The following METTL15 variants were observed in gnomAD, a reference collection of about 807,000 sequenced individuals.
METTL15 encodes the protein 12S rRNA N(4)-cytidine methyltransferase METTL15.
A neutral mutation model predicts 38.3 loss-of-function variants in METTL15; 34 were observed. The ratio of observed to expected loss-of-function variants is 0.89; its 90% CI spans 0.68 to 1.18. METTL15 has a LOEUF of 1.18. Ranked by LOEUF, METTL15 falls within the 50% of genes most tolerant of loss-of-function variation. The pLI is 0.00. For synonymous variants in METTL15, 162 were observed against 170.9 expected (o/e 0.95, Z 0.41); for missense variants, 438 against 498.4 (o/e 0.88, Z 1.15).
At chr11:28,312,962 G>T (rs1857358085) in intron 6 of METTL15, among the ~76,000 whole-genome samples, 1 of 151,874 alleles carries the variant, frequency 6.6e-6, no homozygotes, top group East Asian at 1.9e-4. Flanking sequence ...TCCCACCATA[G>T]GACTTGTTTT....
At chr11:28,491,889 T>C (rs1272306869) in intron 6 of METTL15, among the ~76,000 whole-genome samples, 1 of 152,146 alleles carries the variant, frequency 6.6e-6, no homozygotes, top group Non-Finnish European at 1.5e-5. Flanking sequence ...TTAAACTCCC[T>C]GAACTCCCTT....
chr11:28,479,499 T>C (rs1176438915), intron 6 of METTL15, among the ~76,000 whole-genome samples: 1 of 152,210 alleles, frequency 6.6e-6, no homozygotes, highest in Non-Finnish European at 1.5e-5. Flanking sequence ...GAAGATTTTA[T>C]TCCAAGTCAT....
Position 28,471,572 on chromosome 11 carries a change from G to A in METTL15, c.*424+47208G>A, listed in dbSNP as rs2133464551. ...CCAATTGTAGCCCTCTCTTTGTGTG[G>A]GGGTTATGGCCTTCCAGCTCCCCCA... On this transcript the variant is annotated intron_variant and NMD_transcript_variant, in intron 6 of 7. Transcript: ENST00000532947. Among the ~76,000 whole-genome samples, 3 of 152,096 alleles carry A rather than the reference G, an allele frequency of 2.0e-5. No individual in the cohort carries two copies. The South Asian group carries it at 6.2e-4, about 32-fold the overall frequency.
intron 6 of METTL15, among the ~76,000 whole-genome samples, chr11:28,468,311 A>G (rs569142335): frequency 6.6e-6 from 1 of 152,308 alleles, no homozygotes; most frequent in African/African-American, 2.4e-5. Flanking sequence ...AGTTGAGGGT[A>G]ACTCCCAGGA....
intron 4 of METTL15, among the ~76,000 whole-genome samples, chr11:28,235,915 C>T (rs1853940231): frequency 6.6e-6 from 1 of 151,788 alleles, no homozygotes; most frequent in African/African-American, 2.4e-5. Context: ...CCAGTTTTTG[C>T]CCATTCAGTA....
At chr11:28,502,610 C>T (rs1275521981) in intron 6 of METTL15, among the ~76,000 whole-genome samples, 1 of 152,146 alleles carries the variant, frequency 6.6e-6, no homozygotes, top group Non-Finnish European at 1.5e-5. Flanking sequence ...ATTTTCTTTG[C>T]ATATTTTTAT....
intron 5 of METTL15, among the ~76,000 whole-genome samples, chr11:28,377,332 C>A (rs930681908): frequency 4.6e-5 from 7 of 152,178 alleles, no homozygotes; most frequent in Admixed American, 6.5e-5. Flanking sequence ...CACATAGTCC[C>A]ATATTTCTTG....
intron 3 of METTL15, among the ~76,000 whole-genome samples, chr11:28,144,567 T>G (rs1485684569): frequency 6.6e-6 from 1 of 152,152 alleles, no homozygotes; most frequent in Admixed American, 6.6e-5. Flanking sequence ...TAGGATTTTT[T>G]TTTCAAAGTG....
chr11:28,310,333 G>A (rs1335309445), intron 6 of METTL15, among the ~76,000 whole-genome samples: 1 of 149,966 alleles, frequency 6.7e-6, no homozygotes, highest in African/African-American at 2.5e-5. Context: ...TCTAGAAAAT[G>A]GAGGAAATGT....
chr11:28,429,546 AC>A (rs2133427976), intron 6 of METTL15, among the ~76,000 whole-genome samples: 1 of 102,544 alleles, frequency 9.8e-6, no homozygotes, highest in African/African-American at 3.8e-5. Context: ...TTTGGTGGAG[AC>A]GGGGTTTCGC....
intron 3 of METTL15, among the ~76,000 whole-genome samples, chr11:28,348,886 C>T (rs916248582): frequency 6.6e-6 from 1 of 152,162 alleles, no homozygotes. Context: ...TTGAGTATTT[C>T]CTTTCTTTCT....
chr11:28,428,750 A>T (rs970117534), intron 6 of METTL15, among the ~76,000 whole-genome samples: 4 of 152,140 alleles, frequency 2.6e-5, no homozygotes, highest in African/African-American at 9.7e-5. Context: ...CTAGTCCAAC[A>T]TCTCCAAATT....
chr11:28,408,748 A>T (rs971870673), intron 5 of METTL15, among the ~76,000 whole-genome samples: 8 of 152,162 alleles, frequency 5.3e-5, no homozygotes, highest in African/African-American at 1.9e-4. Context: ...TTATAATATA[A>T]ATATGGTTTT....
chr11:28,219,431 CTATT>C (rs944915194), intron 4 of METTL15, among the ~76,000 whole-genome samples: 17 of 152,034 alleles, frequency 1.1e-4, no homozygotes, highest in Non-Finnish European at 2.4e-4. Context: ...TTTATTGCAT[CTATT>C]TGATTCTTCT....
rs186991237 is a variant in METTL15 at position 28,321,318 on chromosome 11, G to A, written c.779-9078G>A. ...GAAGTGTTTTACCCCACATCAAATA[G>A]CCATAAAAAAAGTGAATGATCTGAA... On this transcript the variant is annotated intron_variant, in intron 6 of 6. Coordinates refer to ENST00000407364, the MANE Select transcript of METTL15 (RefSeq NM_001113528.2). Among the ~76,000 whole-genome samples the A allele has an allele frequency of 1.3e-4, 20 of 152,152 alleles. No homozygotes were observed. The East Asian group carries it at 3.5e-3, about 26-fold the overall frequency.
chr11:28,198,113 G>A (rs969674031), intron 3 of METTL15, among the ~76,000 whole-genome samples: 1 of 152,012 alleles, frequency 6.6e-6, no homozygotes, highest in Admixed American at 6.6e-5. Flanking sequence ...TGGGTTATGT[G>A]AATTTCTTGA....
At chr11:28,526,825 A>G (rs1851815747) in exon 8 of METTL15, 1 of 152,240 alleles carries the variant, frequency 6.6e-6, no homozygotes, top group African/African-American at 2.4e-5. Flanking sequence ...ACTTTATGCA[A>G]TTTAATTCTC....
At chr11:28,378,430 C>A (rs922274756) in intron 5 of METTL15, among the ~76,000 whole-genome samples, 4 of 152,232 alleles carry the variant, frequency 2.6e-5, no homozygotes. Context: ...AGGTGCCATT[C>A]GTCACCCCTT....
At chr11:28,219,298 G>A (rs535432143) in intron 4 of METTL15, among the ~76,000 whole-genome samples, 11 of 152,274 alleles carry the variant, frequency 7.2e-5, no homozygotes, top group Admixed American at 5.9e-4. Context: ...GAGGCTGTGT[G>A]TGATGAGGAA....
Sources: gnomAD v4.1 joint callset for allele counts (sites outside exome capture counted in the v4.1 genomes callset) on GRCh38, gnomAD v4.1.1 for gene constraint, MANE v1.5 for transcripts, NCBI Gene and HGNC (gene_info 2026-07-23, HGNC 2026-07-21) for gene names.